Variants in KIF13A observed in about 807,000 individuals in gnomAD.
The protein encoded by KIF13A is kinesin family member 13A, also known as kinesin-like protein KIF13A.
In KIF13A, 79 loss-of-function variants were observed where a neutral mutation model predicts 212.2. That is an observed-to-expected ratio of 0.37 (90% CI 0.31 to 0.45). The LOEUF is 0.45. Among genes scored for constraint, KIF13A ranks in the 20% least tolerant of loss-of-function variants. KIF13A has a pLI of 1.00. For missense variants in KIF13A, 1,901 were observed against 2,209.0 expected (o/e 0.86, Z 2.79); for synonymous variants, 789 against 808.6 (o/e 0.98, Z 0.41).
At chr6:17,814,141 T>C (rs183988068) in intron 17 of KIF13A, among the ~76,000 whole-genome samples, 2,472 of 151,306 alleles carry the variant, frequency 0.016, 26 homozygotes, top group Non-Finnish European at 0.028. Context: ...TTAGTAGAGA[T>C]GGGGTTTCAC....
chr6:17,835,831 G>T (rs1001760285), intron 11 of KIF13A, among the ~76,000 whole-genome samples: 2 of 152,100 alleles, frequency 1.3e-5, no homozygotes, highest in Non-Finnish European at 2.9e-5. Flanking sequence ...ATAGTGCCTG[G>T]CATGTAAATG....
intron 2 of KIF13A, among the ~76,000 whole-genome samples, chr6:17,975,563 G>C (rs1448498415): frequency 6.6e-6 from 1 of 152,150 alleles, no homozygotes; most frequent in African/African-American, 2.4e-5. Context: ...AAAGCTTCCA[G>C]TACAGAACAA....
chr6:17,973,399 C>T (rs1000750629), intron 2 of KIF13A, among the ~76,000 whole-genome samples: 1 of 152,238 alleles, frequency 6.6e-6, no homozygotes, highest in African/African-American at 2.4e-5. Context: ...CTTCATGCTG[C>T]TGCTTTATTT....
rs975772170 is a variant in KIF13A at position 17,829,797 on chromosome 6, A to G, written c.1401+1304T>C. On this transcript the variant is annotated intron_variant, in intron 13 of 38. Coordinates refer to ENST00000259711, the MANE Select transcript of KIF13A (RefSeq NM_022113.6). The surrounding 1 kb of genome is among the most constrained non-coding windows in gnomAD (Gnocchi z 5.4). ...TCTCAATAACTCAGGGGCTATTTGT[A>G]CCAAATTTACACCTCTAGGAAAAGT... Among the ~76,000 whole-genome samples the G allele has an allele frequency of 2.0e-5, 3 of 152,108 alleles. No individual in the cohort carries two copies. The highest frequency in any genetic ancestry group is 4.4e-5 in the Non-Finnish European group (3 of 68,020).
At chr6:17,882,822 A>G (rs1771199150) in intron 3 of KIF13A, among the ~76,000 whole-genome samples, 1 of 152,174 alleles carries the variant, frequency 6.6e-6, no homozygotes, top group Non-Finnish European at 1.5e-5. Flanking sequence ...TTGGCCTCCC[A>G]AAGTGCTGGG....
At chr6:17,959,746 G>A (rs990080557) in intron 2 of KIF13A, among the ~76,000 whole-genome samples, 1 of 152,232 alleles carries the variant, frequency 6.6e-6, no homozygotes, top group Non-Finnish European at 1.5e-5. Context: ...CAGTTCGGCT[G>A]GGCGCAGTGG....
In KIF13A at chr6:17,934,128, A is replaced by G. The variant is rs568828148; in HGVS notation, c.147-35948T>C. Among the ~76,000 whole-genome samples, 40 of 152,314 alleles carry G rather than the reference A, an allele frequency of 2.6e-4. No homozygotes were observed. The highest frequency in any genetic ancestry group is 7.7e-4 in the African/African-American group (32 of 41,582). ...AACATTTAAGTTGAAAAGAATAAAA[A>G]GACAAGCATTTTCATAAAAACCAGG... On this transcript the variant is annotated intron_variant, in intron 2 of 38. Coordinates refer to ENST00000259711, the MANE Select transcript of KIF13A (RefSeq NM_022113.6). The surrounding 1 kb of genome is among the most constrained non-coding windows in gnomAD (Gnocchi z 5.4).
At position 17,783,794 on chromosome 6, in the gene KIF13A, AC is replaced by A; in HGVS notation, c.3489-94del. 1 of 823,984 alleles carries A rather than the reference AC, an allele frequency of 1.2e-6. No individual in the cohort carries two copies. Among genetic ancestry groups the A allele is most frequent in the Non-Finnish European group, 2.0e-6 (1 of 490,670 alleles). 51.0% of individuals were successfully genotyped at this position (823,984 alleles called of 1,614,324 possible). On this transcript the variant is annotated intron_variant, in intron 28 of 38. Transcript: ENST00000259711. This position sits in a 1 kb window ranked among gnomAD's most constrained non-coding sequence, Gnocchi z 4.3. ...CCACAGAGCTGTGGAAGCAAAGAGA[AC>A]CATGGTGGAGATGCAGTTTCCACTA...
At chr6:17,774,841 G>C (rs1759802120) in intron 35 of KIF13A, among the ~76,000 whole-genome samples, 174 bp downstream of exon 35, 1 of 151,592 alleles carries the variant, frequency 6.6e-6, no homozygotes. Flanking sequence ...TGGAGTTGTG[G>C]AGAGAGTTAT....
chr6:17,910,559 A>G (rs1773947894), intron 2 of KIF13A, among the ~76,000 whole-genome samples: 1 of 149,898 alleles, frequency 6.7e-6, no homozygotes, highest in African/African-American at 2.5e-5. Flanking sequence ...AATGAATAGT[A>G]AGACAATTTT....
intron 2 of KIF13A, among the ~76,000 whole-genome samples, chr6:17,944,548 T>C (rs771248293): frequency 3.9e-5 from 6 of 152,194 alleles, no homozygotes; most frequent in Admixed American, 6.5e-5. Context: ...AAAGACAAAG[T>C]AGCTGGCCCC....
At chr6:17,939,254 T>C (rs2150551521) in intron 2 of KIF13A, among the ~76,000 whole-genome samples, 1 of 152,344 alleles carries the variant, frequency 6.6e-6, no homozygotes, top group South Asian at 2.1e-4. Flanking sequence ...GACATTCTGG[T>C]GCATATTTCA....
In KIF13A at chr6:17,794,639, TCTC is replaced by T; in HGVS notation, c.3005_3007del (p.Gly1002del). The T allele has an allele frequency of 6.2e-7, 1 of 1,613,426 alleles. No individual in the cohort carries two copies. The highest frequency in any genetic ancestry group is 8.5e-7 in the Non-Finnish European group (1 of 1,179,672). On this transcript the variant is annotated inframe_deletion, in exon 24 of 39. Coordinates refer to ENST00000259711, the MANE Select transcript of KIF13A (RefSeq NM_022113.6). The surrounding 1 kb of genome is among the most constrained non-coding windows in gnomAD (Gnocchi z 4.1). ...CTGATGAAGTTCCACTGCAGCATAC[TCTC>T]CTAACTCATTCAATTCTAATATGGA... is the stretch of plus-strand genomic sequence containing the variant.
In KIF13A at chr6:17,785,762, A is replaced by AAC; in HGVS notation, c.3362-122_3362-121insGT. 1 of 1,061,678 alleles carries AAC rather than the reference A, an allele frequency of 9.4e-7. No individual in the cohort carries two copies. Among genetic ancestry groups the AAC allele is most frequent in the Non-Finnish European group, 1.4e-6 (1 of 729,254 alleles). The allele number at this position is 1,061,678 out of a possible 1,614,324, so 65.8% of individuals were successfully genotyped here. A position where few individuals can be genotyped will look rare whatever the true frequency, so the allele number is the denominator to read the frequency against. ...ACCCCATCTCTACCAAAAAAAAAAA[A>AAC]ATAGTTGGGCAGGGTGGTGGTACGC... On this transcript the variant is annotated intron_variant, in intron 27 of 38. Coordinates refer to ENST00000259711, the MANE Select transcript of KIF13A (RefSeq NM_022113.6). The surrounding 1 kb of genome is among the most constrained non-coding windows in gnomAD (Gnocchi z 5.8).
At position 17,789,948 on chromosome 6, in the gene KIF13A, G is replaced by A. The variant is rs1235594705; in HGVS notation, c.3223-38C>T. 6.3e-7 allele frequency: 1 copy of A among 1,576,080 alleles called. No individual in the cohort carries two copies. On this transcript the variant is annotated intron_variant, in intron 25 of 38. Coordinates refer to ENST00000259711, the MANE Select transcript of KIF13A (RefSeq NM_022113.6). This position sits in a 1 kb window ranked among gnomAD's most constrained non-coding sequence, Gnocchi z 4.8. ...AATAAACACAAAGGACAAGCATTTT[G>A]TTTTTCAAACCACATACAGGGAAAA...
intron 9 of KIF13A, among the ~76,000 whole-genome samples, chr6:17,846,672 C>A (rs1266287103): frequency 1.3e-5 from 2 of 149,796 alleles, no homozygotes; most frequent in Non-Finnish European, 3.0e-5. Context: ...CCATTCAATT[C>A]AACCAGTCAT....
In KIF13A at chr6:17,839,500, C is replaced by T. The variant is rs541742948; in HGVS notation, c.831-1917G>A. Among the ~76,000 whole-genome samples, 35 of 152,304 alleles carry T rather than the reference C, an allele frequency of 2.3e-4. 1 individual carries two copies. The highest frequency in any genetic ancestry group is 8.2e-4 in the African/African-American group (34 of 41,554). ...AGTTCAGATACATGTATCACAACAACTACAACACGGATGAACCCTGGCAAA... is the reference window on the plus strand; with the variant it reads ...AGTTCAGATACATGTATCACAACAATTACAACACGGATGAACCCTGGCAAA... On this transcript the variant is annotated intron_variant, in intron 9 of 38. Coordinates refer to ENST00000259711, the MANE Select transcript of KIF13A (RefSeq NM_022113.6). This position sits in a 1 kb window ranked among gnomAD's most constrained non-coding sequence, Gnocchi z 4.3.
At chr6:17,832,231 T>A (rs566624542) in intron 12 of KIF13A, among the ~76,000 whole-genome samples, 7 of 152,218 alleles carry the variant, frequency 4.6e-5, no homozygotes. Flanking sequence ...GAGAAATTCA[T>A]AATGCACATA....
At chr6:17,980,620 A>G (rs1780979512) in intron 2 of KIF13A, among the ~76,000 whole-genome samples, 2 of 152,322 alleles carry the variant, frequency 1.3e-5, no homozygotes, top group Non-Finnish European at 2.9e-5. Flanking sequence ...GAAGTGGCAG[A>G]GAGTTTGGAT....
Sources: allele counts gnomAD v4.1 joint callset (sites outside exome capture counted in the v4.1 genomes callset), GRCh38; gene constraint gnomAD v4.1.1; non-coding constraint Gnocchi (gnomAD v3.1); transcripts MANE v1.5; gene names NCBI Gene and HGNC (gene_info 2026-07-23, HGNC 2026-07-21).